Variants in CR1 observed in about 807,000 individuals in gnomAD.
CR1 encodes complement receptor type 1.
Under a neutral mutation model 187.3 loss-of-function variants are expected in CR1, and 116 were observed. That is an observed-to-expected ratio of 0.62 (90% confidence interval 0.53 to 0.72). CR1 has a LOEUF of 0.72. Ranked by LOEUF, CR1 falls within the 30% of genes least tolerant of loss-of-function variation. The pLI, the probability that CR1 is intolerant of heterozygous loss-of-function variation, is 0.00. For missense variants in CR1, 1,731 were observed against 2,110.7 expected (o/e 0.82, Z 3.52); for synonymous variants, 576 against 747.1 (o/e 0.77, Z 3.73).
At chr1:207,586,449 T>A (rs1571562430) in intron 33 of CR1, among the ~76,000 whole-genome samples, 4 of 152,382 alleles carry the variant, frequency 2.6e-5, no homozygotes, top group Admixed American at 2.6e-4. Flanking sequence ...TTTTGTTCTA[T>A]CTTTAAATGC....
chr1:207,500,282 T>A (rs1229043758), intron 1 of CR1, among the ~76,000 whole-genome samples: 1 of 152,196 alleles, frequency 6.6e-6, no homozygotes, highest in Non-Finnish European at 1.5e-5. Flanking sequence ...ATAATTTATG[T>A]TCGTGTACAT....
In CR1 at chr1:207,611,993, C is replaced by G. The variant is rs374983587; in HGVS notation, c.6527C>G (p.Pro2176Arg). The G allele has an allele frequency of 2.0e-5, 33 of 1,613,898 alleles. No individual in the cohort carries two copies. In the African/African-American group the frequency reaches 3.2e-4, roughly 16 times the overall value. Residue 2176 changes from proline to arginine, a missense_variant, in exon 39 of 47, where the codon CCA becomes CGA. By Grantham distance (103) the Pro-to-Arg change is moderately radical. This residue lies in a region of CR1 where 1,312 missense variants were observed against 1,379.6 expected (regional missense o/e 0.95). Transcript: ENST00000367049. Reference protein sequence around the residue: ...GQLPHGRVLLPLNLQLGAKVS... With the variant: ...GQLPHGRVLLRLNLQLGAKVS... ...CTCCCTCATGGCCGTGTGCTACTTC[C>G]ACTTAATCTCCAGCTTGGGGCAAAG...
chr1:207,498,379 A>C (rs1659155240), intron 1 of CR1, among the ~76,000 whole-genome samples: 1 of 152,220 alleles, frequency 6.6e-6, no homozygotes, highest in African/African-American at 2.4e-5. Context: ...TACGACAAAA[A>C]ATAGCAGAGG....
In CR1 at chr1:207,620,072, G is replaced by A; in HGVS notation, c.7252+7G>A. On this transcript the variant is annotated splice_region_variant and intron_variant, in intron 43 of 46. Transcript: ENST00000367049. ...CTGGCCAAATGTACCTCTCGTAAGT[G>A]CAAGTGCAAGGAATGTGGGATCTTC... is the stretch of plus-strand genomic sequence containing the variant. 6.2e-7 allele frequency: 1 copy of A among 1,603,596 alleles called. No homozygotes were observed. Among genetic ancestry groups the A allele is most frequent in the Non-Finnish European group, 8.5e-7 (1 of 1,176,858 alleles).
In CR1 at chr1:207,506,792, T is replaced by C. The variant is rs2102336807; in HGVS notation, c.380T>C (p.Ile127Thr). ...AAAGGCATCCAGTTCGGATCCCAAA[T>C]TAAATATTCTTGTACTAAAGGGTGA... ...VIKGIQFGSQ[I>T]KYSCTKGYRL... The change falls in exon 3 of 47, where the codon ATT becomes ACT. Residue 127 changes from isoleucine (I) to threonine (T), a missense_variant. Physicochemically the swap from Ile to Thr is moderately conservative, Grantham distance 89. Transcript: ENST00000367049. 1 of 1,613,286 alleles carries C rather than the reference T, an allele frequency of 6.2e-7. No individual in the cohort carries two copies. The highest frequency in any genetic ancestry group is 8.5e-7 in the Non-Finnish European group (1 of 1,179,414).
rs1172743260 is a variant in CR1, at chr1:207,611,866, T to C, written c.6472+13T>C. On this transcript the variant is annotated intron_variant, in intron 38 of 46. Coordinates refer to ENST00000367049, the MANE Select transcript of CR1 (RefSeq NM_000651.6). Reference sequence around the variant, plus strand: ...CCTAGATGTACAGGTGCCTTGACTCTCTGGCTTCCAGATTGCTCTGTTTTC... The same window carrying C: ...CCTAGATGTACAGGTGCCTTGACTCCCTGGCTTCCAGATTGCTCTGTTTTC... The C allele has an allele frequency of 6.2e-7, 1 of 1,613,712 alleles. No individual in the cohort carries two copies. Among genetic ancestry groups the C allele is most frequent in the South Asian group, 1.1e-5 (1 of 91,002 alleles).
chr1:207,506,747 A>G lies in CR1; in HGVS notation c.335A>G (p.Asn112Ser). 6.2e-7 allele frequency: 1 copy of G among 1,613,700 alleles called. No homozygotes were observed. The highest frequency in any genetic ancestry group is 8.5e-7 in the Non-Finnish European group (1 of 1,179,686). ...TGTCGTAATCCTCCAGATCCTGTGA[A>G]TGGCATGGTGCATGTGATCAAAGGC... ...KSCRNPPDPVNGMVHVIKGIQ... is the reference protein window; with the variant it reads ...KSCRNPPDPVSGMVHVIKGIQ... The change falls in exon 3 of 47, where the codon AAT becomes AGT. Residue 112 changes from asparagine to serine, a missense_variant. Asn to Ser is a conservative substitution (Grantham distance 46, BLOSUM62 1). This residue lies in a region of CR1 where 237 missense variants were observed against 240.4 expected (regional missense o/e 0.99). Coordinates refer to ENST00000367049, the MANE Select transcript of CR1 (RefSeq NM_000651.6).
intron 35 of CR1, among the ~76,000 whole-genome samples, chr1:207,592,278 G>T (rs1661294208): frequency 6.6e-6 from 1 of 152,140 alleles, no homozygotes; most frequent in African/African-American, 2.4e-5. Context: ...TGAGATACAA[G>T]GCTGGTTCAA....
Position 207,609,632 on chromosome 1 carries a change from CTG to C in CR1, c.6242_6243del (p.Val2081AlafsTer29). The C allele has an allele frequency of 1.2e-6, 2 of 1,608,594 alleles. No homozygotes were observed. The highest frequency in any genetic ancestry group is 1.7e-6 in the Non-Finnish European group (2 of 1,177,428). On this transcript the variant is annotated frameshift_variant, in exon 37 of 47. Transcript: ENST00000367049. LOFTEE classifies it high-confidence loss of function. ...GGGTTTGTCATGGTAGGGTCCCACA[CTG>C]TGCAGTGCCAGACCAATGGCAGATG...
Position 207,588,695 on chromosome 1 carries a change from C to A in CR1, c.5731C>A (p.Pro1911Thr). ...NCRRKSCGPP[P>T]EPFNGMVHIN... ...CCTAGGAAAATCATGTGGACCTCCA[C>A]CAGAACCCTTCAATGGAATGGTGCA... Residue 1911 changes from proline to threonine, a missense_variant, in exon 35 of 47, where the codon CCA (proline) becomes ACA (threonine). Coordinates refer to ENST00000367049, the MANE Select transcript of CR1 (RefSeq NM_000651.6). The A allele has an allele frequency of 6.2e-7, 1 of 1,612,744 alleles. No homozygotes were observed.
At chr1:207,583,588 T>C (rs207461029) in intron 32 of CR1, among the ~76,000 whole-genome samples, 2 of 152,206 alleles carry the variant, frequency 1.3e-5, no homozygotes, top group Non-Finnish European at 2.9e-5. Context: ...TCAATCAGGG[T>C]ATTGCTTCCC....
rs1482958460 is a variant in CR1, at chr1:207,496,381, G to C, written c.114G>C (p.Val38=). The change falls in exon 1 of 47, where the codon GTG becomes GTC. Residue 38 remains valine, a synonymous_variant. Transcript: ENST00000367049. ...TTGTGGTGCTGCTTGCGCTGCCGGT[G>C]GCCTGGGGTGAGAGGCGGGCGGGCG... ...LAVVVLLALP[V]AWGQCNAPEW... is the part of the protein sequence containing the mutation. 29 of 1,609,864 alleles carry C rather than the reference G, an allele frequency of 1.8e-5. No individual in the cohort carries two copies. The highest frequency in any genetic ancestry group is 2.4e-5 in the Non-Finnish European group (28 of 1,178,626).
At position 207,575,656 on chromosome 1, in the gene CR1, A is replaced by G. The variant is rs1383957339; in HGVS notation, c.4513A>G (p.Ser1505Gly). ...CCTCTCAGGCAATACTGCCCATTGG[A>G]GCACGAAGCCGCCAATTTGTCAACG... is the stretch of plus-strand genomic sequence containing the variant. ...CILSGNTAHW[S>G]TKPPICQRIP... The change falls in exon 28 of 47, where the codon AGC becomes GGC. Residue 1505 changes from serine to glycine, a missense_variant. This residue lies in a region of CR1 where 1,312 missense variants were observed against 1,379.6 expected (regional missense o/e 0.95). Transcript: ENST00000367049. The G allele has an allele frequency of 6.2e-7, 1 of 1,611,664 alleles. No individual in the cohort carries two copies. Among genetic ancestry groups the G allele is most frequent in the African/African-American group, 1.3e-5 (1 of 74,838 alleles).
chr1:207,502,586 C>T (rs1315089590), intron 1 of CR1, among the ~76,000 whole-genome samples: 2 of 152,162 alleles, frequency 1.3e-5, no homozygotes, highest in Admixed American at 1.3e-4. Context: ...AGGGCCACAC[C>T]TTGGTGAGGG....
In CR1 at chr1:207,581,994, G is replaced by A; in HGVS notation, c.5293G>A (p.Val1765Met). 1 of 1,609,144 alleles carries A rather than the reference G, an allele frequency of 6.2e-7. No homozygotes were observed. The highest frequency in any genetic ancestry group is 1.1e-5 in the South Asian group (1 of 90,876). ...MRSLWNNSVP[V>M]CEHIFCPNPP... is the part of the protein sequence containing the mutation. ...AAGCCTTTGGAATAACAGTGTTCCTGTGTGTGAACGTGAGTAGATGGAATA... is the reference window on the plus strand; with the variant it reads ...AAGCCTTTGGAATAACAGTGTTCCTATGTGTGAACGTGAGTAGATGGAATA... The change falls in exon 32 of 47, where the codon GTG becomes ATG. Residue 1765 changes from valine (V) to methionine (M), a missense_variant. By Grantham distance (21) the Val-to-Met change is conservative. Coordinates refer to ENST00000367049, the MANE Select transcript of CR1 (RefSeq NM_000651.6).
At chr1:207,633,683 T>A (rs1029826789) in intron 46 of CR1, among the ~76,000 whole-genome samples, 1 of 152,206 alleles carries the variant, frequency 6.6e-6, no homozygotes. Context: ...ATCTCCCCAA[T>A]CTCTGAGTAT....
At chr1:207,568,153 A>T in intron 25 of CR1, 111 bp downstream of exon 25, 1 of 1,578,470 alleles carries the variant, frequency 6.3e-7, no homozygotes, top group Non-Finnish European at 8.6e-7. Flanking sequence ...ATTTGCCACA[A>T]TGGAATGCCA....
intron 46 of CR1, among the ~76,000 whole-genome samples, chr1:207,638,587 C>G (rs186126090): frequency 5.9e-5 from 9 of 152,228 alleles, no homozygotes; most frequent in African/African-American, 1.7e-4. Context: ...GCAGCCTTTC[C>G]TGTTGGATCA....
chr1:207,574,852 A>G (rs1660690728), intron 27 of CR1, among the ~76,000 whole-genome samples: 1 of 152,242 alleles, frequency 6.6e-6, no homozygotes, highest in Non-Finnish European at 1.5e-5. Flanking sequence ...TAATTTCCAA[A>G]TTATTAGAAT....
Sources: gnomAD v4.1 joint callset for allele counts (sites outside exome capture counted in the v4.1 genomes callset) on GRCh38, gnomAD v4.1.1 for gene constraint, gnomAD v4.1.1 regional missense constraint, MANE v1.5 for transcripts, NCBI Gene and HGNC (gene_info 2026-07-23, HGNC 2026-07-21) for gene names.